The following PDE11A variants were observed in gnomAD, a reference collection of about 807,000 sequenced individuals.
PDE11A encodes dual 3',5'-cyclic-AMP and -GMP phosphodiesterase 11A.
PDE11A carries 100 observed loss-of-function variants against 100.5 expected under a neutral mutation model. That is an observed-to-expected ratio of 1.00 (90% CI 0.85 to 1.18). PDE11A has a LOEUF of 1.18. Among genes scored for constraint, PDE11A ranks in the 50% most tolerant of loss-of-function variants. PDE11A has a pLI of 0.00. For synonymous variants in PDE11A, 381 were observed against 420.8 expected (o/e 0.91, Z 1.16); for missense variants, 1,141 against 1,152.6 (o/e 0.99, Z 0.15).
At position 177,625,840 on chromosome 2, in the gene PDE11A, C is replaced by T. The variant is rs1349368844; in HGVS notation, c.*3567G>A. On this transcript the variant is annotated 3_prime_UTR_variant, in exon 20 of 20. Coordinates refer to ENST00000286063, the MANE Select transcript of PDE11A (RefSeq NM_016953.4). Reference sequence around the variant, plus strand: ...CGCCTGAAACCCGCAAGAGTTCAACCTCTAACCTCTGGGGTTGTTGGCACC... The same window carrying T: ...CGCCTGAAACCCGCAAGAGTTCAACTTCTAACCTCTGGGGTTGTTGGCACC... 1 of 152,612 alleles carries T rather than the reference C, an allele frequency of 6.6e-6. No homozygotes were observed. The highest frequency in any genetic ancestry group is 2.4e-5 in the African/African-American group (1 of 41,444). 9.5% of individuals were successfully genotyped at this position (152,612 alleles called of 1,614,324 possible).
chr2:177,899,119 A>G (rs2105728711), intron 3 of PDE11A, among the ~76,000 whole-genome samples: 1 of 152,284 alleles, frequency 6.6e-6, no homozygotes, highest in African/African-American at 2.4e-5. Context: ...TACAAACCCA[A>G]TATTTTGGCC....
Position 178,002,545 on chromosome 2 carries a change from A to G in PDE11A, c.1071+11757T>C, listed in dbSNP as rs187275385. 2.1e-4 allele frequency among the ~76,000 whole-genome samples: 32 copies of G among 152,312 alleles called. No homozygotes were observed. In the East Asian group the frequency reaches 4.2e-3, roughly 20 times the overall value. ...TATAGGAAAGTAGCCAGCTTCCACC[A>G]AATTCAAACTCTTTTGAAGCTATTA... On this transcript the variant is annotated intron_variant, in intron 2 of 19. Coordinates refer to ENST00000286063, the MANE Select transcript of PDE11A (RefSeq NM_016953.4).
intron 6 of PDE11A, among the ~76,000 whole-genome samples, chr2:177,831,980 G>A (rs923672696): frequency 1.4e-4 from 22 of 152,180 alleles, no homozygotes; most frequent in African/African-American, 5.1e-4. Context: ...ATTACAGTAG[G>A]TATCTAGTCA....
chr2:177,722,459 A>G (rs1295949562), intron 12 of PDE11A, among the ~76,000 whole-genome samples: 1 of 152,152 alleles, frequency 6.6e-6, no homozygotes, highest in African/African-American at 2.4e-5. Flanking sequence ...TTATTAGCAC[A>G]CCAGGTTCTT....
intron 9 of PDE11A, among the ~76,000 whole-genome samples, chr2:177,795,714 T>C (rs1430550271): frequency 2.0e-5 from 3 of 151,684 alleles, no homozygotes; most frequent in Non-Finnish European, 4.4e-5. Context: ...GTACATGTGT[T>C]TGTTACACGC....
intron 2 of PDE11A, among the ~76,000 whole-genome samples, chr2:177,913,506 T>A (rs1183992697): frequency 6.6e-6 from 1 of 152,142 alleles, no homozygotes; most frequent in Admixed American, 6.5e-5. Flanking sequence ...CAGTTCCCCC[T>A]TAATTTCCTG....
intron 1 of PDE11A, among the ~76,000 whole-genome samples, chr2:178,026,441 C>A (rs1232305277): frequency 6.6e-6 from 1 of 152,088 alleles, no homozygotes; most frequent in Non-Finnish European, 1.5e-5. Context: ...GTGGGCGGAT[C>A]ACTTGAGGTC....
chr2:178,036,665 C>T (rs938929781), intron 1 of PDE11A, among the ~76,000 whole-genome samples: 8 of 152,036 alleles, frequency 5.3e-5, no homozygotes, highest in Non-Finnish European at 8.8e-5. Flanking sequence ...GTACTGGTAC[C>T]AAAACAGATA....
intron 4 of PDE11A, among the ~76,000 whole-genome samples, chr2:177,891,314 TA>T (rs1470842223): frequency 1.3e-5 from 2 of 152,188 alleles, no homozygotes; most frequent in Non-Finnish European, 2.9e-5. Context: ...AAATATATTT[TA>T]CCAAACTTAT....
At chr2:177,861,710 C>T (rs1389169130) in intron 5 of PDE11A, among the ~76,000 whole-genome samples, 3 of 151,936 alleles carry the variant, frequency 2.0e-5, no homozygotes, top group East Asian at 1.9e-4. Flanking sequence ...CAATGTGATA[C>T]TGGCATGAAG....
At chr2:177,724,568 G>T (rs1484257573) in intron 12 of PDE11A, among the ~76,000 whole-genome samples, 1 of 151,938 alleles carries the variant, frequency 6.6e-6, no homozygotes, top group African/African-American at 2.4e-5. Flanking sequence ...CAATAGGCTT[G>T]GAAAAATACA....
intron 2 of PDE11A, among the ~76,000 whole-genome samples, chr2:177,966,913 GTTTCA>G (rs2085705343): frequency 6.6e-6 from 1 of 152,034 alleles, no homozygotes; most frequent in African/African-American, 2.4e-5. Context: ...TTTTGGAATA[GTTTCA>G]TAGAATTGGT....
intron 19 of PDE11A, among the ~76,000 whole-genome samples, chr2:177,632,289 A>G (rs11690583): frequency 1.3e-5 from 2 of 152,158 alleles, no homozygotes; most frequent in African/African-American, 2.4e-5. Flanking sequence ...GTTTTTAGAG[A>G]CTGTGATGAT....
chr2:177,823,141 G>A (rs1032412812), intron 6 of PDE11A, among the ~76,000 whole-genome samples: 3 of 152,026 alleles, frequency 2.0e-5, no homozygotes, highest in Admixed American at 6.6e-5. Flanking sequence ...AAACAAAAAC[G>A]TAAGCATAAA....
chr2:177,716,053 T>A (rs2081432582), intron 12 of PDE11A, among the ~76,000 whole-genome samples: 1 of 152,254 alleles, frequency 6.6e-6, no homozygotes, highest in Admixed American at 6.5e-5. Context: ...TAAACACGTG[T>A]GTTGGCATCC....
chr2:177,990,114 C>G (rs757124210), intron 2 of PDE11A, among the ~76,000 whole-genome samples: 3 of 152,080 alleles, frequency 2.0e-5, no homozygotes, highest in Non-Finnish European at 4.4e-5. Flanking sequence ...CTTTGATAAG[C>G]CTCATCCCAG....
At chr2:177,910,129 G>T (rs915627985) in intron 2 of PDE11A, among the ~76,000 whole-genome samples, 2 of 152,094 alleles carry the variant, frequency 1.3e-5, no homozygotes, top group African/African-American at 4.8e-5. Context: ...ATGACTCATT[G>T]CACACTGAGA....
intron 2 of PDE11A, among the ~76,000 whole-genome samples, chr2:177,991,781 A>G (rs1293041583): frequency 7.1e-6 from 1 of 140,408 alleles, no homozygotes; most frequent in Non-Finnish European, 1.6e-5. Flanking sequence ...TTATGATGGC[A>G]TGAGTTTTTA....
At chr2:177,645,844 C>A (rs1918345) in intron 19 of PDE11A, among the ~76,000 whole-genome samples, 5,400 of 152,264 alleles carry the variant, frequency 0.035, 315 homozygotes, top group African/African-American at 0.12. Flanking sequence ...GCTAATTATA[C>A]TATTAGTAAT....
Sources: gnomAD v4.1 joint callset for allele counts (sites outside exome capture counted in the v4.1 genomes callset) on GRCh38, gnomAD v4.1.1 for gene constraint, MANE v1.5 for transcripts, NCBI Gene and HGNC (gene_info 2026-07-23, HGNC 2026-07-21) for gene names.